The following POLR3B variants were observed in gnomAD, a reference collection of about 807,000 sequenced individuals.
POLR3B encodes the protein DNA-directed RNA polymerase III subunit RPC2.
Under a neutral mutation model 147.4 loss-of-function variants are expected in POLR3B, and 96 were observed. The observed-to-expected ratio is 0.65, with a 90% CI of 0.55 to 0.77. The LOEUF is 0.77. POLR3B is among the 30% of genes least tolerant of loss of function. The pLI is 0.00. For synonymous variants in POLR3B, 461 were observed against 485.9 expected, an observed-to-expected ratio of 0.95 and a Z score of 0.67; for missense variants, 1,036 against 1,413.5, an observed-to-expected ratio of 0.73 and a Z score of 4.28.
At chr12:106,468,429 G>A (rs1281828585) in intron 23 of POLR3B, among the ~76,000 whole-genome samples, 2 of 152,004 alleles carry the variant, frequency 1.3e-5, no homozygotes, top group African/African-American at 4.8e-5. Context: ...TTTTTTGACA[G>A]GTTTTTGTGT....
chr12:106,433,814 T>C lies in POLR3B; in HGVS notation c.1723T>C (p.Ser575Pro), dbSNP rs767857927. The change falls in exon 16 of 28, where the codon TCA becomes CCA. Residue 575 changes from serine (S) to proline (P), a missense_variant. This residue lies in a region of POLR3B where 177 missense variants were observed against 232.7 expected (regional missense o/e 0.76). Transcript: ENST00000228347. ...ATATATCAATGAATTTGTTTCCATC[T>C]CAACAAATCTTACAGATCGATGTGT... The part of the protein sequence containing the change: ...AGYINEFVSI[S>P]TNLTDRCVYI... 6.2e-7 allele frequency: 1 copy of C among 1,612,954 alleles called. No individual in the cohort carries two copies. The highest frequency in any genetic ancestry group is 8.5e-7 in the Non-Finnish European group (1 of 1,178,974).
At chr12:106,454,219 A>T (rs903053973) in intron 19 of POLR3B, among the ~76,000 whole-genome samples, 1 of 152,208 alleles carries the variant, frequency 6.6e-6, no homozygotes, top group African/African-American at 2.4e-5. Context: ...ACCAGTGGAA[A>T]CTAAATCCCT....
intron 27 of POLR3B, among the ~76,000 whole-genome samples, 177 bp from the exon 28 acceptor site, chr12:106,509,243 G>A (rs185095179): frequency 1.3e-5 from 2 of 152,276 alleles, no homozygotes; most frequent in African/African-American, 2.4e-5. Flanking sequence ...TTCCTTGGAT[G>A]TTTCTTTTTT....
chr12:106,358,902 G>A (rs920533404), intron 1 of POLR3B, among the ~76,000 whole-genome samples: 3 of 152,186 alleles, frequency 2.0e-5, no homozygotes, highest in African/African-American at 7.2e-5. Flanking sequence ...GCAGGAAAGT[G>A]ACATGATCAG....
chr12:106,476,005 C>CTTTCCAT (rs2038164592), intron 23 of POLR3B, among the ~76,000 whole-genome samples: 1 of 150,858 alleles, frequency 6.6e-6, no homozygotes, highest in Non-Finnish European at 1.5e-5. Context: ...CGGCTGGTAC[C>CTTTCCAT]GGTTGTTCCT....
At chr12:106,363,219 G>A (rs2036491595) in intron 1 of POLR3B, among the ~76,000 whole-genome samples, 1 of 152,056 alleles carries the variant, frequency 6.6e-6, no homozygotes, top group South Asian at 2.1e-4. Flanking sequence ...ATATCTCCAG[G>A]CCACTCCATT....
chr12:106,486,714 C>G (rs571870863), intron 23 of POLR3B, among the ~76,000 whole-genome samples: 1 of 150,902 alleles, frequency 6.6e-6, no homozygotes, highest in African/African-American at 2.5e-5. Context: ...AAGATGTACT[C>G]CTAAAATAAA....
intron 23 of POLR3B, among the ~76,000 whole-genome samples, chr12:106,480,595 A>T (rs945088356): frequency 6.6e-6 from 1 of 152,172 alleles, no homozygotes; most frequent in South Asian, 2.1e-4. Flanking sequence ...GTCTCAGATC[A>T]AGTACTCAAG....
intron 23 of POLR3B, among the ~76,000 whole-genome samples, chr12:106,493,639 A>G (rs1291830551): frequency 6.6e-6 from 1 of 152,226 alleles, no homozygotes; most frequent in Non-Finnish European, 1.5e-5. Flanking sequence ...GAATAAGTTA[A>G]TTATTTACTT....
chr12:106,430,531 G>C, intron 14 of POLR3B, 58 bp downstream of exon 14: 1 of 1,360,956 alleles, frequency 7.3e-7, no homozygotes, highest in Non-Finnish European at 1.0e-6. Context: ...GTCTGTGCAT[G>C]GGGTGGGGTG....
chr12:106,509,160 G>C (rs2038735739), intron 27 of POLR3B, among the ~76,000 whole-genome samples: 1 of 152,204 alleles, frequency 6.6e-6, no homozygotes, highest in African/African-American at 2.4e-5. Flanking sequence ...GGCTGGATGT[G>C]TGGTAACAAC....
chr12:106,405,579 C>CACACACACACACACAA (rs893279246), intron 10 of POLR3B, among the ~76,000 whole-genome samples: 1 of 145,120 alleles, frequency 6.9e-6, no homozygotes, highest in Non-Finnish European at 1.5e-5. Flanking sequence ...CACACACACA[C>CACACACACACACACAA]AAATATATTT....
chr12:106,498,090 T>C (rs542347028), intron 25 of POLR3B, among the ~76,000 whole-genome samples: 1 of 152,130 alleles, frequency 6.6e-6, no homozygotes, highest in African/African-American at 2.4e-5. Context: ...TACATATAGC[T>C]CTCACCAAAA....
At position 106,357,771 on chromosome 12, in the gene POLR3B, G is replaced by A. The variant is rs2036404307; in HGVS notation, c.-109G>A. 6 of 1,084,982 alleles carry A rather than the reference G, an allele frequency of 5.5e-6. No individual in the cohort carries two copies. The highest frequency in any genetic ancestry group is 2.0e-5 in the Admixed American group (1 of 50,424). The allele number at this position is 1,084,982 out of a possible 1,614,324, so 67.2% of individuals were successfully genotyped here. ...GCGTCTCTAGCTAACACGCACGGCG[G>A]GGACAGTTTAGGCCTCCGCGCACCG... is the stretch of plus-strand genomic sequence containing the variant. On this transcript the variant is annotated 5_prime_UTR_variant, in exon 1 of 28. Transcript: ENST00000228347.
chr12:106,448,427 C>CTTTTT lies in POLR3B; in HGVS notation c.2083+3862_2083+3866dup, dbSNP rs869133588. Among the ~76,000 whole-genome samples the CTTTTT allele has an allele frequency of 6.0e-3, 303 of 50,624 alleles. 12 individuals carry two copies. The highest frequency in any genetic ancestry group is 8.2e-3 in the Non-Finnish European group (200 of 24,382). The allele number at this position is 50,624 out of a possible 152,430, so 33.2% of individuals were successfully genotyped here. ...TCCAAATTCTTTACATACGTTATTTCTTTTTTTTTTTTTTTTTTTTTTTTT... is the reference window on the plus strand; with the variant it reads ...TCCAAATTCTTTACATACGTTATTTCTTTTTTTTTTTTTTTTTTTTTTTTTTTTTT... On this transcript the variant is annotated intron_variant, in intron 19 of 27. Coordinates refer to ENST00000228347, the MANE Select transcript of POLR3B (RefSeq NM_018082.6).
At chr12:106,453,714 G>T (rs2037828877) in intron 19 of POLR3B, among the ~76,000 whole-genome samples, 1 of 152,162 alleles carries the variant, frequency 6.6e-6, no homozygotes, top group African/African-American at 2.4e-5. Context: ...ATGAACCCCA[G>T]TGTGTTTATA....
At chr12:106,465,512 C>T (rs997896791) in intron 23 of POLR3B, among the ~76,000 whole-genome samples, 5 of 152,068 alleles carry the variant, frequency 3.3e-5, no homozygotes, top group Admixed American at 6.6e-5. Flanking sequence ...ATGTGCAGAA[C>T]GTGCAGTTTT....
chr12:106,378,511 T>G (rs2136899838), intron 8 of POLR3B, 127 bp downstream of exon 8: 1 of 642,976 alleles, frequency 1.6e-6, no homozygotes, highest in South Asian at 2.1e-5. Context: ...ATTTAAGCTA[T>G]CTGCATTCAA....
intron 24 of POLR3B, chr12:106,496,432 G>A (rs1407439952): frequency 6.6e-6 from 4 of 605,264 alleles, no homozygotes; most frequent in South Asian, 4.0e-5. Flanking sequence ...CCCTTGTCTT[G>A]AACCTAAATG....
Sources: allele counts gnomAD v4.1 joint callset (sites outside exome capture counted in the v4.1 genomes callset), GRCh38; gene constraint gnomAD v4.1.1; regional missense constraint gnomAD v4.1.1; transcripts MANE v1.5; gene names NCBI Gene and HGNC (gene_info 2026-07-23, HGNC 2026-07-21).